The following BLTP2 variants were observed in gnomAD, a reference collection of about 807,000 sequenced individuals.
The protein encoded by BLTP2 is bridge-like lipid transfer protein family member 2.
the BLTP2 span, chr17:28,643,395 C>T: frequency 1.3e-6 from 2 of 1,553,814 alleles, no homozygotes; most frequent in Non-Finnish European, 8.8e-7. Flanking sequence ...ACTTTCTCAT[C>T]CTTCCTAGAA....
chr17:28,643,095 A>T, the BLTP2 span: 1 of 1,600,960 alleles, frequency 6.2e-7, no homozygotes, highest in Admixed American at 1.7e-5. Context: ...AAAACAGAAA[A>T]ATCTACCCAT....
At chr17:28,644,947 C>CCCGCCGCCG in the BLTP2 span, 31 of 1,520,804 alleles carry the variant, frequency 2.0e-5, no homozygotes, top group Admixed American at 1.4e-4. Flanking sequence ...CCCCCTCCCT[C>CCCGCCGCCG]CCGCCGCCGC....
chr17:28,625,335 A>AG, the BLTP2 span, among the ~76,000 whole-genome samples: 2 of 71,914 alleles, frequency 2.8e-5, no homozygotes, highest in African/African-American at 2.7e-4. Context: ...ACTCCGTCTC[A>AG]AAAAAAAAAA....
the BLTP2 span, chr17:28,637,949 G>T: frequency 6.2e-7 from 1 of 1,614,210 alleles, no homozygotes; most frequent in Non-Finnish European, 8.5e-7. Flanking sequence ...TGACTTCCCA[G>T]ATTGTGGACC....
chr17:28,619,725 C>G, the BLTP2 span: 1 of 1,613,934 alleles, frequency 6.2e-7, no homozygotes, highest in Non-Finnish European at 8.5e-7. Flanking sequence ...GCAACTGAAG[C>G]TTCTGGTTCA....
At chr17:28,634,705 C>T in the BLTP2 span, 9 of 1,613,990 alleles carry the variant, frequency 5.6e-6, no homozygotes, top group South Asian at 6.6e-5. Flanking sequence ...AAGCAGTGCC[C>T]GGCGCATGGG....
chr17:28,635,431 G>A, the BLTP2 span: 2 of 1,614,034 alleles, frequency 1.2e-6, no homozygotes, highest in East Asian at 2.2e-5. Flanking sequence ...TGGCTCAGGG[G>A]CACGGCCTTC....
chr17:28,638,377 C>T, the BLTP2 span: 1 of 1,614,148 alleles, frequency 6.2e-7, no homozygotes, highest in Non-Finnish European at 8.5e-7. Context: ...GTTAGGACGC[C>T]CCGCTGATGG....
chr17:28,633,693 T>C, the BLTP2 span: 2 of 1,614,042 alleles, frequency 1.2e-6, no homozygotes, highest in Non-Finnish European at 1.7e-6. Context: ...ACTGGCCAAT[T>C]AGTGTCCAGG....
the BLTP2 span, chr17:28,639,334 G>A: frequency 6.2e-7 from 1 of 1,614,150 alleles, no homozygotes; most frequent in South Asian, 1.1e-5. Context: ...CTTTGCTTTA[G>A]AACAGGTGAA....
At chr17:28,643,584 G>T in the BLTP2 span, 7 of 1,603,938 alleles carry the variant, frequency 4.4e-6, no homozygotes, top group East Asian at 1.3e-4. Context: ...TCTTCTAGGG[G>T]AGAAGTGAGA....
chr17:28,630,465 GTTT>G, the BLTP2 span, among the ~76,000 whole-genome samples: 3 of 93,020 alleles, frequency 3.2e-5, no homozygotes, highest in South Asian at 8.3e-4. Flanking sequence ...AGCCCCCACT[GTTT>G]TTTTTTTTTT....
At chr17:28,642,934 G>C in the BLTP2 span, 1 of 1,611,600 alleles carries the variant, frequency 6.2e-7, no homozygotes, top group Admixed American at 1.7e-5. Context: ...AGGACTCAGA[G>C]GTATCCACCT....
At chr17:28,623,622 T>G in the BLTP2 span, 1 of 688,300 alleles carries the variant, frequency 1.5e-6, no homozygotes, top group East Asian at 2.6e-5. Context: ...GACCAGAGAT[T>G]GCCCACATTC....
the BLTP2 span, chr17:28,642,025 C>T: frequency 6.2e-7 from 1 of 1,614,202 alleles, no homozygotes; most frequent in Non-Finnish European, 8.5e-7. Context: ...TGCTAATGCC[C>T]ACCTTTAGAC....
chr17:28,629,208 C>A, the BLTP2 span, among the ~76,000 whole-genome samples: 2 of 151,532 alleles, frequency 1.3e-5, no homozygotes, highest in Admixed American at 1.3e-4. Context: ...TGTGCTGGCC[C>A]ATTTTATTTT....
At chr17:28,631,112 T>C in the BLTP2 span, among the ~76,000 whole-genome samples, 1 of 152,080 alleles carries the variant, frequency 6.6e-6, no homozygotes, top group Non-Finnish European at 1.5e-5. Context: ...TAACCCCCAA[T>C]GTAACAGTAT....
chr17:28,632,129 T>C, the BLTP2 span: 1 of 1,614,238 alleles, frequency 6.2e-7, no homozygotes, highest in Non-Finnish European at 8.5e-7. Context: ...TTCAGGTTAT[T>C]GAAGAGCTTT....
At chr17:28,615,818 G>A in the BLTP2 span, 1 of 1,606,928 alleles carries the variant, frequency 6.2e-7, no homozygotes, top group African/African-American at 1.3e-5. Context: ...GAGGGGGAGG[G>A]GAAAGAAAAA....
Sources: allele counts gnomAD v4.1 joint callset (sites outside exome capture counted in the v4.1 genomes callset), GRCh38; gene constraint gnomAD v4.1.1; transcripts MANE v1.5; gene names NCBI Gene and HGNC (gene_info 2026-07-23, HGNC 2026-07-21).